Variants in KAZN observed in about 807,000 individuals in gnomAD.
KAZN encodes kazrin.
A neutral mutation model predicts 87.4 loss-of-function variants in KAZN; 40 were observed. The ratio of observed to expected loss-of-function variants is 0.46; its 90% CI spans 0.36 to 0.60. The LOEUF is 0.60. Among genes scored for constraint, KAZN ranks in the 20% least tolerant of loss-of-function variants. The pLI, the probability that KAZN is intolerant of heterozygous loss-of-function variation, is 0.00. For missense variants in KAZN, 898 were observed against 1,073.9 expected (o/e 0.84, Z 2.29); for synonymous variants, 466 against 458.3 (o/e 1.02, Z -0.22).
intron 1 of KAZN, among the ~76,000 whole-genome samples, chr1:14,757,984 T>G (rs1644616652): frequency 6.6e-6 from 1 of 152,192 alleles, no homozygotes; most frequent in African/African-American, 2.4e-5. Flanking sequence ...CAGGCTGAAT[T>G]CCAAGTCCAC....
chr1:13,998,098 C>A (rs4662068), intron 1 of KAZN, among the ~76,000 whole-genome samples: 64 of 152,222 alleles, frequency 4.2e-4, no homozygotes, highest in Non-Finnish European at 7.8e-4. Flanking sequence ...AATTTTCAAC[C>A]CAGAATTTCA....
chr1:14,390,479 G>A (rs1030153352), intron 2 of KAZN, among the ~76,000 whole-genome samples: 2 of 152,158 alleles, frequency 1.3e-5, no homozygotes, highest in African/African-American at 4.8e-5. Flanking sequence ...AGGAAGTGAG[G>A]AAGAAAGCTG....
chr1:14,972,020 C>T (rs950063854), intron 2 of KAZN, among the ~76,000 whole-genome samples: 46 of 152,174 alleles, frequency 3.0e-4, no homozygotes, highest in African/African-American at 1.1e-3. Context: ...AGGCTGCACA[C>T]GCTGATCCTC....
intron 1 of KAZN, among the ~76,000 whole-genome samples, chr1:14,650,890 T>C (rs554041512): frequency 6.6e-6 from 1 of 152,244 alleles, no homozygotes; most frequent in Non-Finnish European, 1.5e-5. Flanking sequence ...GCAAGTGGTT[T>C]AGGAAATCAA....
At chr1:13,991,792 T>G (rs1639294785) in intron 1 of KAZN, among the ~76,000 whole-genome samples, 1 of 152,136 alleles carries the variant, frequency 6.6e-6, no homozygotes, top group Non-Finnish European at 1.5e-5. Context: ...ATATCGTGGT[T>G]GACATGATGC....
At chr1:14,419,483 C>G (rs547904869) in intron 2 of KAZN, among the ~76,000 whole-genome samples, 4 of 152,202 alleles carry the variant, frequency 2.6e-5, no homozygotes, top group Non-Finnish European at 4.4e-5. Context: ...TCGCCTCTTC[C>G]CTGGACTTAC....
At chr1:14,107,743 T>G (rs1644409445) in intron 1 of KAZN, among the ~76,000 whole-genome samples, 1 of 152,148 alleles carries the variant, frequency 6.6e-6, no homozygotes, top group Admixed American at 6.5e-5. Flanking sequence ...GCACATAAAC[T>G]CATGAGCTTT....
intron 1 of KAZN, among the ~76,000 whole-genome samples, chr1:14,033,569 T>C (rs1641418138): frequency 6.6e-6 from 1 of 152,268 alleles, no homozygotes; most frequent in South Asian, 2.1e-4. Context: ...GCTTAAGAAC[T>C]TGTGACTTTA....
intron 1 of KAZN, among the ~76,000 whole-genome samples, chr1:13,939,178 C>T (rs1019546090): frequency 6.6e-6 from 1 of 152,226 alleles, no homozygotes; most frequent in Non-Finnish European, 1.5e-5. Context: ...TATTTCTCTG[C>T]CATTTAGCCA....
chr1:14,527,354 G>A (rs1571865918), intron 2 of KAZN, among the ~76,000 whole-genome samples: 1 of 152,138 alleles, frequency 6.6e-6, no homozygotes, highest in Non-Finnish European at 1.5e-5. Context: ...TTCGAGACCA[G>A]CCTGGCCAAC....
chr1:14,833,956 C>T (rs1199994003), intron 1 of KAZN, among the ~76,000 whole-genome samples: 2 of 150,396 alleles, frequency 1.3e-5, no homozygotes, highest in East Asian at 3.9e-4. Flanking sequence ...ACTCTGCTGT[C>T]CTCCCAAGTC....
intron 2 of KAZN, among the ~76,000 whole-genome samples, chr1:14,278,245 ACGACATAACAGTATCTTTAT>A (rs1414681744): frequency 1.3e-5 from 2 of 151,332 alleles, no homozygotes; most frequent in African/African-American, 4.9e-5. Context: ...GAGTTCTTTA[ACGACATAACAGTATCTTTAT>A]CACACCTGAA....
chr1:14,827,122 G>T (rs948966092), intron 1 of KAZN, among the ~76,000 whole-genome samples: 2 of 152,196 alleles, frequency 1.3e-5, no homozygotes, highest in African/African-American at 4.8e-5. Flanking sequence ...AGAGGGATGG[G>T]CCCAGTCCTG....
intron 1 of KAZN, among the ~76,000 whole-genome samples, chr1:14,854,573 C>G (rs187409090): frequency 6.6e-6 from 1 of 152,104 alleles, no homozygotes; most frequent in African/African-American, 2.4e-5. Flanking sequence ...GGCTTTATGA[C>G]AACCCACTCT....
chr1:14,746,354 C>G (rs547961429), intron 1 of KAZN, among the ~76,000 whole-genome samples: 1 of 152,112 alleles, frequency 6.6e-6, no homozygotes, highest in African/African-American at 2.4e-5. Flanking sequence ...CTCTTCTCCA[C>G]CACTCAATAA....
intron 2 of KAZN, among the ~76,000 whole-genome samples, chr1:14,194,903 C>A (rs1433431983): frequency 6.6e-6 from 1 of 152,100 alleles, no homozygotes; most frequent in Admixed American, 6.5e-5. Flanking sequence ...TACGTGACTG[C>A]CTACTTGGTC....
rs1638989958 is a variant in KAZN at position 15,063,687 on chromosome 1, TCTGTTCCC to T, written c.1098+69_1098+76del. ...CCCCACCTTGACTACAACTTCACCC[TCTGTTCCC>T]CTGAGCCCACATCCATGCCGCACAC... is the stretch of plus-strand genomic sequence containing the variant. On this transcript the variant is annotated intron_variant, in intron 7 of 14. Transcript: ENST00000376030. 7.0e-6 allele frequency: 9 copies of T among 1,292,682 alleles called. No individual in the cohort carries two copies. In the South Asian group the frequency reaches 1.1e-4, roughly 15 times the overall value. 80.1% of individuals were successfully genotyped at this position (1,292,682 alleles called of 1,614,324 possible). A position where few individuals can be genotyped will look rare whatever the true frequency, so the allele number is the denominator to read the frequency against.
chr1:14,753,245 A>T (rs12067489), intron 1 of KAZN, among the ~76,000 whole-genome samples: 1 of 152,058 alleles, frequency 6.6e-6, no homozygotes, highest in African/African-American at 2.4e-5. Flanking sequence ...TTTTCTTTCA[A>T]TAGGTTTTTA....
intron 2 of KAZN, among the ~76,000 whole-genome samples, chr1:14,410,422 T>C (rs1664215598): frequency 6.6e-6 from 1 of 152,098 alleles, no homozygotes. Flanking sequence ...TTAATAGGAG[T>C]TCCAGAACTA....
Sources: gnomAD v4.1 joint callset for allele counts (sites outside exome capture counted in the v4.1 genomes callset) on GRCh38, gnomAD v4.1.1 for gene constraint, MANE v1.5 for transcripts, NCBI Gene and HGNC (gene_info 2026-07-23, HGNC 2026-07-21) for gene names.